Variants in PTCSC3 observed in about 807,000 individuals in gnomAD.
PTCSC3 encodes the protein papillary thyroid carcinoma susceptibility candidate 3.
rs73253484 is a variant in PTCSC3 at position 36,176,085 on chromosome 14, C to G, written n.171+213G>C. On this transcript the variant is annotated intron_variant and non_coding_transcript_variant, in intron 1 of 3. Transcript: ENST00000556013. ...GTTAAGAAAACGATACAAATACATACATATGTACATAATGTCATGTGAGTG... is the reference window on the plus strand; with the variant it reads ...GTTAAGAAAACGATACAAATACATAGATATGTACATAATGTCATGTGAGTG... 8.6e-3 allele frequency among the ~76,000 whole-genome samples: 1,310 copies of G among 152,270 alleles called. 23 individuals are homozygous for G. Among genetic ancestry groups the G allele is most frequent in the African/African-American group, 0.03 (1,243 of 41,544 alleles).
chr14:36,136,747 A>C (rs183249428), intron 3 of PTCSC3, among the ~76,000 whole-genome samples: 149 of 152,364 alleles, frequency 9.8e-4, no homozygotes, highest in Non-Finnish European at 1.5e-3. Flanking sequence ...GATATCATCA[A>C]ATAGTGAAGA....
chr14:36,141,646 C>T (rs984326224), intron 3 of PTCSC3, among the ~76,000 whole-genome samples: 23 of 152,026 alleles, frequency 1.5e-4, no homozygotes, highest in African/African-American at 5.1e-4. Flanking sequence ...AGCCACTGTG[C>T]CTGGCCAGAG....
intron 3 of PTCSC3, among the ~76,000 whole-genome samples, chr14:36,137,382 G>A (rs900831390): frequency 1.3e-5 from 2 of 152,212 alleles, no homozygotes; most frequent in African/African-American, 2.4e-5. Flanking sequence ...AAGAACTTTA[G>A]ATTATACTCT....
intron 1 of PTCSC3, among the ~76,000 whole-genome samples, chr14:36,173,952 T>C (rs1445097970): frequency 6.6e-6 from 1 of 152,196 alleles, no homozygotes; most frequent in Non-Finnish European, 1.5e-5. Flanking sequence ...TAAGTGATCA[T>C]TCTTGTTTTT....
chr14:36,162,795 T>C (rs983838603), intron 1 of PTCSC3: 1 of 152,174 alleles, frequency 6.6e-6, no homozygotes, highest in African/African-American at 2.4e-5. Flanking sequence ...GCTAAGAAAA[T>C]AAGTGATTTT....
exon 1 of PTCSC3, chr14:36,176,453 ACT>A (rs919480272): frequency 3.3e-5 from 5 of 151,878 alleles, no homozygotes; most frequent in Middle Eastern, 3.2e-3. Flanking sequence ...GTCCCAGATC[ACT>A]TTTTTCCTCT....
At chr14:36,157,169 G>A (rs1881848087) in intron 2 of PTCSC3, among the ~76,000 whole-genome samples, 1 of 152,194 alleles carries the variant, frequency 6.6e-6, no homozygotes, top group African/African-American at 2.4e-5. Context: ...GACCAGTGAT[G>A]ACGAACTCTT....
rs546769794 is a variant in PTCSC3 at position 36,158,229 on chromosome 14, A to G, written n.232-4335T>C. On this transcript the variant is annotated intron_variant and non_coding_transcript_variant, in intron 2 of 3. Coordinates refer to ENST00000556013, the Ensembl canonical transcript of PTCSC3. ...GACAATTTGACTTCCTCTTTTCTTA[A>G]TTGAATACACTTTATTTCTTTTTCT... is the stretch of plus-strand genomic sequence containing the variant. Among the ~76,000 whole-genome samples, 265 of 152,236 alleles carry G rather than the reference A, an allele frequency of 1.7e-3. 1 individual carries two copies. Among genetic ancestry groups the G allele is most frequent in the Non-Finnish European group, 3.2e-3 (219 of 68,014 alleles).
At chr14:36,149,102 GTCTT>G (rs1881664336) in intron 3 of PTCSC3, among the ~76,000 whole-genome samples, 1 of 151,742 alleles carries the variant, frequency 6.6e-6, no homozygotes, top group Non-Finnish European at 1.5e-5. Flanking sequence ...CTGATTTTAG[GTCTT>G]TCTTCTTTTC....
chr14:36,138,722 T>TA (rs1389914931), intron 3 of PTCSC3, among the ~76,000 whole-genome samples: 1 of 152,226 alleles, frequency 6.6e-6, no homozygotes, highest in African/African-American at 2.4e-5. Context: ...TATGGGAATG[T>TA]AAAATTATAT....
chr14:36,163,286 C>T (rs915022713), intron 1 of PTCSC3, among the ~76,000 whole-genome samples: 2 of 151,996 alleles, frequency 1.3e-5, no homozygotes, highest in South Asian at 2.1e-4. Context: ...AAAGGAGACA[C>T]TAAAAAATAT....
At chr14:36,153,376 G>A (rs1021388363) in intron 3 of PTCSC3, among the ~76,000 whole-genome samples, 20 of 152,126 alleles carry the variant, frequency 1.3e-4, no homozygotes, top group African/African-American at 3.6e-4. Flanking sequence ...AACATTAGCC[G>A]TGAGGGAATC....
chr14:36,173,620 A>G (rs531710522), intron 1 of PTCSC3, among the ~76,000 whole-genome samples: 10 of 152,250 alleles, frequency 6.6e-5, no homozygotes, highest in Admixed American at 2.0e-4. Context: ...AATGATATCT[A>G]TCTTCAGCAC....
chr14:36,162,325 G>T (rs1370530183), intron 2 of PTCSC3, among the ~76,000 whole-genome samples: 2 of 150,128 alleles, frequency 1.3e-5, no homozygotes, highest in South Asian at 4.2e-4. Context: ...ATGGCTGCCC[G>T]GTTTTGTGCT....
intron 3 of PTCSC3, among the ~76,000 whole-genome samples, chr14:36,141,860 T>C (rs981777050): frequency 2.0e-5 from 3 of 152,244 alleles, no homozygotes; most frequent in Non-Finnish European, 2.9e-5. Context: ...TGTAGGAAAG[T>C]TATTGACTTT....
rs397787199 is a variant in PTCSC3, at chr14:36,154,080, A to AAC, written n.232-187_232-186insGT. On this transcript the variant is annotated intron_variant and non_coding_transcript_variant, in intron 2 of 3. Transcript: ENST00000556013. ...GGACCCTGTCTCGAAAAAAAAAAAA[A>AAC]CTACTGCTACAATATTAAGTGAGCG... 1.7e-3 allele frequency among the ~76,000 whole-genome samples: 265 copies of AAC among 151,756 alleles called. 3 individuals are homozygous for AAC. Among genetic ancestry groups the AAC allele is most frequent in the African/African-American group, 6.0e-3 (247 of 41,350 alleles).
intron 3 of PTCSC3, among the ~76,000 whole-genome samples, chr14:36,143,074 T>G (rs1881464929): frequency 1.3e-5 from 2 of 151,456 alleles, no homozygotes; most frequent in Admixed American, 6.6e-5. Context: ...ACATTTGGGT[T>G]AGTTCCAAGT....
At chr14:36,136,913 T>C (rs1353010325) in intron 3 of PTCSC3, among the ~76,000 whole-genome samples, 5 of 152,188 alleles carry the variant, frequency 3.3e-5, no homozygotes, top group African/African-American at 9.7e-5. Flanking sequence ...TGAGCACCTA[T>C]TATGTGGCAG....
At chr14:36,152,179 C>A (rs1046415232) in intron 3 of PTCSC3, among the ~76,000 whole-genome samples, 1 of 150,920 alleles carries the variant, frequency 6.6e-6, no homozygotes, top group African/African-American at 2.4e-5. Context: ...ATATTACATA[C>A]AAATATATCT....
Sources: gnomAD v4.1 joint callset for allele counts (sites outside exome capture counted in the v4.1 genomes callset) on GRCh38, gnomAD v4.1.1 for gene constraint, MANE v1.5 for transcripts, NCBI Gene and HGNC (gene_info 2026-07-23, HGNC 2026-07-21) for gene names.